Variants in ZNF534 observed in about 807,000 individuals in gnomAD.
The protein encoded by ZNF534 is zinc finger protein 534.
A neutral mutation model predicts 13.6 loss-of-function variants in ZNF534; 19 were observed. That is an observed-to-expected ratio of 1.40 (90% CI 0.97 to 2.05). The LOEUF (loss-of-function observed/expected upper bound fraction) is 2.05. ZNF534 is among the 30% of genes most tolerant of loss of function. The pLI is 0.00. For missense variants in ZNF534, 782 were observed against 796.3 expected (o/e 0.98, Z 0.22); for synonymous variants, 244 against 273.8 (o/e 0.89, Z 1.07).
chr19:52,437,773 C>T lies in ZNF534; in HGVS notation c.313C>T (p.Leu105Phe), dbSNP rs935591597. Residue 105 changes from leucine (L) to phenylalanine (F), a missense_variant, in exon 5 of 5, where the codon CTT (leucine) becomes TTT (phenylalanine). Around this residue, in one of 5 missense-constraint regions of ZNF534, gnomAD observed 591 missense variants for 574.0 expected, o/e 1.03. Coordinates refer to ENST00000433050, the MANE Select transcript of ZNF534 (RefSeq NM_001143938.3). Reference protein sequence around the residue: ...KLGSSAGNKSLKNQHGLTLQL... With the variant: ...KLGSSAGNKSFKNQHGLTLQL... The stretch of plus-strand genomic sequence containing the variant: ...GGGAAGCAGTGCAGGAAACAAGTCA[C>T]TTAAAAATCAACATGGATTAACTCT... The T allele has an allele frequency of 1.1e-5, 18 of 1,599,480 alleles. No homozygotes were observed. Among genetic ancestry groups the T allele is most frequent in the Non-Finnish European group, 1.4e-5 (17 of 1,172,424 alleles).
chr19:52,438,995 A>C lies in ZNF534; in HGVS notation c.1535A>C (p.His512Pro). Residue 512 changes from histidine (H) to proline (P), a missense_variant, in exon 5 of 5, where the codon CAT becomes CCT. By Grantham distance (77) the His-to-Pro change is moderately conservative. This residue lies in a region of ZNF534 where 591 missense variants were observed against 574.0 expected (regional missense o/e 1.03). Coordinates refer to ENST00000433050, the MANE Select transcript of ZNF534 (RefSeq NM_001143938.3). ...VFRQNSHLAQ[H>P]RDIHTGEKPY... ...CGTCAGAATTCACACCTTGCACAAC[A>C]TAGGGATATTCATACTGGAGAGAAG... is the stretch of plus-strand genomic sequence containing the variant. 1 of 1,604,260 alleles carries C rather than the reference A, an allele frequency of 6.2e-7. No individual in the cohort carries two copies. Among genetic ancestry groups the C allele is most frequent in the East Asian group, 2.3e-5 (1 of 44,262 alleles).
chr19:52,444,338 T>C (rs981863492), downstream of ZNF534, among the ~76,000 whole-genome samples: 1 of 152,076 alleles, frequency 6.6e-6, no homozygotes, highest in Non-Finnish European at 1.5e-5. Flanking sequence ...CTGCACAGAG[T>C]CCTGTGATAC....
chr19:52,430,782 G>A (rs758945430), intron 1 of ZNF534, among the ~76,000 whole-genome samples: 1 of 151,168 alleles, frequency 6.6e-6, no homozygotes, highest in Non-Finnish European at 1.5e-5. Context: ...TCCTGACCTC[G>A]TGATCGACCT....
chr19:52,436,349 T>G (rs939296606), intron 4 of ZNF534, among the ~76,000 whole-genome samples: 1 of 152,194 alleles, frequency 6.6e-6, no homozygotes, highest in Admixed American at 6.5e-5. Flanking sequence ...GTCAAGTCTC[T>G]TTTTTTGTTG....
intron 1 of ZNF534, among the ~76,000 whole-genome samples, chr19:52,429,965 T>TTC (rs1555745484): frequency 4.2e-4 from 63 of 151,530 alleles, no homozygotes; most frequent in African/African-American, 1.5e-3. Flanking sequence ...CTTTTTTTTT[T>TTC]CCCTTAACAA....
downstream of ZNF534, among the ~76,000 whole-genome samples, chr19:52,445,420 C>T (rs1314635872): frequency 2.0e-5 from 3 of 152,138 alleles, no homozygotes; most frequent in African/African-American, 7.2e-5. Context: ...TGGTCTCGAA[C>T]TCCTGACCTC....
chr19:52,438,714 A>G lies in ZNF534; in HGVS notation c.1254A>G (p.Ala418=), dbSNP rs1182763299. 6.3e-7 allele frequency: 1 copy of G among 1,587,016 alleles called. No individual in the cohort carries two copies. The highest frequency in any genetic ancestry group is 1.8e-5 in the Admixed American group (1 of 55,096). Residue 418 remains alanine (A), a synonymous_variant, in exon 5 of 5, where the codon GCA becomes GCG. Transcript: ENST00000433050. ...ACAAATGTAATGAATGTGGCAAAGC[A>G]TTTAGAACGTGTTCAGATCTCACTG... ...RRYKCNECGK[A]FRTCSDLTAH...
At chr19:52,445,710 C>A (rs192663045), downstream of ZNF534, among the ~76,000 whole-genome samples, 130 of 25,012 alleles carry the variant, frequency 5.2e-3, 2 homozygotes, top group East Asian at 0.045. Flanking sequence ...GTTTTCTTGG[C>A]TTCCTAATTT....
At position 52,439,141 on chromosome 19, in the gene ZNF534, C is replaced by T. The variant is rs376676727; in HGVS notation, c.1681C>T (p.Arg561Trp). 52 of 1,593,920 alleles carry T rather than the reference C, an allele frequency of 3.3e-5. No homozygotes were observed. Among genetic ancestry groups the T allele is most frequent in the East Asian group, 4.6e-5 (2 of 43,452 alleles). Residue 561 changes from arginine (R) to tryptophan (W), a missense_variant, in exon 5 of 5, where the codon CGG becomes TGG. Physicochemically the swap from Arg to Trp is moderately radical, Grantham distance 101. This residue lies in a region of ZNF534 where 591 missense variants were observed against 574.0 expected (regional missense o/e 1.03). Coordinates refer to ENST00000433050, the MANE Select transcript of ZNF534 (RefSeq NM_001143938.3). ...SCNECGKVFS[R>W]NSHLARHRNI... ...TAATGAATGTGGCAAGGTCTTCAGTCGGAATTCACACCTTGCGCGACATAG... is the reference window on the plus strand; with the variant it reads ...TAATGAATGTGGCAAGGTCTTCAGTTGGAATTCACACCTTGCGCGACATAG...
chr19:52,443,685 G>C (rs765257475), downstream of ZNF534, among the ~76,000 whole-genome samples: 2 of 152,062 alleles, frequency 1.3e-5, no homozygotes, highest in Non-Finnish European at 1.5e-5. Context: ...GGGAGGCAGA[G>C]GTTGCAGTGA....
chr19:52,451,123 G>A, intron 4 of ZNF534: 4 of 593,884 alleles, frequency 6.7e-6, no homozygotes, highest in Non-Finnish European at 3.0e-6. Context: ...AAGATGGGTA[G>A]CCTTTACTTT....
Position 52,451,385 on chromosome 19 carries a change from G to GA in ZNF534, c.471dup (p.Gly158ArgfsTer30). On this transcript the variant is annotated frameshift_variant, in exon 5 of 5. Coordinates refer to the ZNF534 transcript ENST00000301085. LOFTEE classifies it low-confidence loss of function (END_TRUNC). ...CGCGCGAGGCTCACGGCAGAGGGCC[G>GA]AGGCCACGGGACTCTCAGGGCCGGG... The GA allele has an allele frequency of 1.2e-6, 1 of 837,632 alleles. No homozygotes were observed. The highest frequency in any genetic ancestry group is 2.0e-6 in the Non-Finnish European group (1 of 500,386). The allele number at this position is 837,632 out of a possible 1,614,324, so 51.9% of individuals were successfully genotyped here. A position where few individuals can be genotyped will look rare whatever the true frequency, so the allele number is the denominator to read the frequency against.
chr19:52,439,445 A>T lies in ZNF534; in HGVS notation c.1985A>T (p.Ter662LeuextTer27). 3 of 1,508,782 alleles carry T rather than the reference A, an allele frequency of 2.0e-6. No homozygotes were observed. The highest frequency in any genetic ancestry group is 2.7e-6 in the Non-Finnish European group (3 of 1,127,110). The allele number at this position is 1,508,782 out of a possible 1,614,324, so 93.5% of individuals were successfully genotyped here. ...HCSIHTREKP* is the reference protein window; with the variant it reads ...HCSIHTREKPL ...AGTATTCATACCAGAGAGAAGCCTT[A>T]AAAATTTAGTGAAGCTGGCAGGGCG... The change falls in exon 5 of 5, where the codon TAA becomes TTA. Residue 662 changes from the stop codon to leucine, a stop_lost. Transcript: ENST00000433050.
intron 2 of ZNF534, among the ~76,000 whole-genome samples, chr19:52,433,558 G>A (rs1312524225): frequency 3.3e-5 from 5 of 152,144 alleles, no homozygotes; most frequent in Admixed American, 1.3e-4. Context: ...AGTAGAGATG[G>A]GGTTTCACCG....
chr19:52,435,933 C>CTTTTTTTTTTTTTTTT lies in ZNF534; in HGVS notation c.271+726_271+727insTTTTTTTTTTTTTTTT, dbSNP rs1289517628. On this transcript the variant is annotated intron_variant, in intron 4 of 4. Transcript: ENST00000433050. ...CATTGATGTTTTTCTTATTTTTCTT[C>CTTTTTTTTTTTTTTTT]TTCTTCTTTTTTTTTTTTTTTTTGA... Among the ~76,000 whole-genome samples, 35 of 17,520 alleles carry CTTTTTTTTTTTTTTTT rather than the reference C, an allele frequency of 2.0e-3. 1 individual carries two copies. Among genetic ancestry groups the CTTTTTTTTTTTTTTTT allele is most frequent in the Admixed American group, 2.4e-3 (2 of 828 alleles). 11.5% of individuals were successfully genotyped at this position (17,520 alleles called of 152,430 possible). A position where few individuals can be genotyped will look rare whatever the true frequency, so the allele number is the denominator to read the frequency against.
At chr19:52,442,630 A>G (rs1599870634), downstream of ZNF534, among the ~76,000 whole-genome samples, 1 of 152,304 alleles carries the variant, frequency 6.6e-6, no homozygotes, top group Non-Finnish European at 1.5e-5. Flanking sequence ...GTCTCAGCAG[A>G]AAGCTACTTT....
chr19:52,436,536 C>T (rs2059130184), intron 4 of ZNF534, among the ~76,000 whole-genome samples: 1 of 152,150 alleles, frequency 6.6e-6, no homozygotes, highest in African/African-American at 2.4e-5. Context: ...TGTGGCTTTT[C>T]ATCCTTTGTC....
chr19:52,450,684 T>G (rs1568450500), intron 4 of ZNF534, among the ~76,000 whole-genome samples: 3 of 59,648 alleles, frequency 5.0e-5, no homozygotes, highest in African/African-American at 8.8e-5. Context: ...TTTTTTTTTT[T>G]GTTTTTGTTT....
chr19:52,446,429 G>T (rs956829139), downstream of ZNF534, among the ~76,000 whole-genome samples: 1 of 152,034 alleles, frequency 6.6e-6, no homozygotes, highest in Non-Finnish European at 1.5e-5. Flanking sequence ...TATGTCAACG[G>T]TGCATCCTGA....
Sources: allele counts gnomAD v4.1 joint callset (sites outside exome capture counted in the v4.1 genomes callset), GRCh38; gene constraint gnomAD v4.1.1; regional missense constraint gnomAD v4.1.1; transcripts MANE v1.5; gene names NCBI Gene and HGNC (gene_info 2026-07-23, HGNC 2026-07-21).